WDR7: variants seen among roughly 807,000 people sequenced by gnomAD.
The protein encoded by WDR7 is WD repeat domain 7.
Under a neutral mutation model 169.4 loss-of-function variants are expected in WDR7, and 46 were observed. The ratio of observed to expected loss-of-function variants is 0.27; its 90% CI spans 0.21 to 0.35. The LOEUF (loss-of-function observed/expected upper bound fraction) is 0.35, where lower values mean the gene tolerates loss of function less well. WDR7 is among the 10% of genes least tolerant of loss of function. WDR7 has a pLI of 1.00. For missense variants in WDR7, 1,534 were observed against 1,859.3 expected (o/e 0.83, Z 3.22); for synonymous variants, 612 against 666.8 (o/e 0.92, Z 1.27).
At chr18:56,785,591 G>A (rs1207404273) in intron 19 of WDR7, among the ~76,000 whole-genome samples, 1 of 152,106 alleles carries the variant, frequency 6.6e-6, no homozygotes, top group Non-Finnish European at 1.5e-5. Context: ...TGGGCTGATG[G>A]ACTGTGATAG....
At chr18:56,995,110 G>T (rs1176519211) in intron 26 of WDR7, among the ~76,000 whole-genome samples, 1 of 152,112 alleles carries the variant, frequency 6.6e-6, no homozygotes, top group African/African-American at 2.4e-5. Context: ...TCTGAGTCTG[G>T]TATAAAGCTA....
intron 24 of WDR7, 62 bp downstream of exon 24, chr18:56,938,744 A>G: frequency 1.3e-6 from 2 of 1,579,820 alleles, no homozygotes; most frequent in Non-Finnish European, 8.6e-7. Flanking sequence ...TAATGAAGTA[A>G]TATAAATCAG....
chr18:56,981,442 C>G (rs894895433), intron 26 of WDR7, among the ~76,000 whole-genome samples: 1 of 152,026 alleles, frequency 6.6e-6, no homozygotes, highest in Non-Finnish European at 1.5e-5. Context: ...ATTTAGATAT[C>G]ATTGGCTTGT....
chr18:56,953,793 G>T (rs1007148829), intron 25 of WDR7, among the ~76,000 whole-genome samples: 5 of 152,330 alleles, frequency 3.3e-5, no homozygotes, highest in African/African-American at 1.2e-4. Context: ...GTAGATGTTT[G>T]TCAGGCAGAT....
chr18:56,786,581 T>C (rs2044404534), intron 19 of WDR7, among the ~76,000 whole-genome samples: 1 of 151,440 alleles, frequency 6.6e-6, no homozygotes, highest in Admixed American at 6.6e-5. Flanking sequence ...CCTAATTGAG[T>C]ACTGTGAGAA....
At chr18:56,729,695 A>G (rs1191375533) in intron 13 of WDR7, among the ~76,000 whole-genome samples, 3 of 152,282 alleles carry the variant, frequency 2.0e-5, no homozygotes, top group Admixed American at 2.0e-4. Flanking sequence ...AGACATTTAT[A>G]ACCCAACCAC....
intron 19 of WDR7, among the ~76,000 whole-genome samples, chr18:56,815,326 A>G (rs2044946629): frequency 6.6e-6 from 1 of 152,244 alleles, no homozygotes; most frequent in Non-Finnish European, 1.5e-5. Context: ...AAATTGAGAA[A>G]TAATGTGACA....
chr18:56,712,202 C>G (rs2026102414), intron 12 of WDR7, among the ~76,000 whole-genome samples: 1 of 152,196 alleles, frequency 6.6e-6, no homozygotes, highest in Admixed American at 6.5e-5. Flanking sequence ...ATGGGATAAA[C>G]TAGCTGTCTC....
chr18:56,689,434 T>G (rs1298203249), intron 7 of WDR7, among the ~76,000 whole-genome samples: 1 of 152,174 alleles, frequency 6.6e-6, no homozygotes, highest in Non-Finnish European at 1.5e-5. Context: ...CCAATTTTTG[T>G]ATTTTTAGTA....
At chr18:56,895,443 AG>A (rs2046319887) in intron 21 of WDR7, among the ~76,000 whole-genome samples, 1 of 151,068 alleles carries the variant, frequency 6.6e-6, no homozygotes, top group South Asian at 2.1e-4. Flanking sequence ...CAAAAGCATT[AG>A]GGGATAGGAA....
chr18:56,656,583 A>T (rs376954635), intron 1 of WDR7, among the ~76,000 whole-genome samples: 10 of 146,196 alleles, frequency 6.8e-5, no homozygotes, highest in Middle Eastern at 3.5e-3. Flanking sequence ...CCCGGCCACT[A>T]TTTTTTTTTT....
Position 56,756,987 on chromosome 18 carries a change from C to T in WDR7, c.2394C>T (p.Asp798=). The change falls in exon 15 of 28, where the codon GAC becomes GAT. Residue 798 remains aspartate, a synonymous_variant. Transcript: ENST00000254442. ...TATTAGAATATAATTTAACTATGGACACTGCAAAGCTGTTTATGTCCTGCC... is the reference window on the plus strand; with the variant it reads ...TATTAGAATATAATTTAACTATGGATACTGCAAAGCTGTTTATGTCCTGCC... ...LTLLEYNLTM[D]TAKLFMSCLH... 1 of 1,614,122 alleles carries T rather than the reference C, an allele frequency of 6.2e-7. No individual in the cohort carries two copies. Among genetic ancestry groups the T allele is most frequent in the South Asian group, 1.1e-5 (1 of 91,072 alleles).
chr18:56,933,734 A>C (rs562421196), intron 22 of WDR7, among the ~76,000 whole-genome samples: 1 of 152,226 alleles, frequency 6.6e-6, no homozygotes, highest in Non-Finnish European at 1.5e-5. Context: ...ACAACTACCC[A>C]GCCTGTCACT....
intron 20 of WDR7, among the ~76,000 whole-genome samples, chr18:56,861,492 T>G (rs1252485529): frequency 6.6e-6 from 1 of 152,198 alleles, no homozygotes; most frequent in Non-Finnish European, 1.5e-5. Flanking sequence ...CAGAATTGCT[T>G]TGTCAAGTCT....
intron 26 of WDR7, among the ~76,000 whole-genome samples, chr18:56,985,001 G>T (rs2047693934): frequency 6.6e-6 from 1 of 152,122 alleles, no homozygotes; most frequent in African/African-American, 2.4e-5. Flanking sequence ...CCGACTGCCT[G>T]TGGCTCTTGA....
chr18:56,879,883 A>G, intron 20 of WDR7, 61 bp from the exon 21 acceptor site: 1 of 1,376,440 alleles, frequency 7.3e-7, no homozygotes. Context: ...TGTTTTTCTA[A>G]TCATGTGTCT....
intron 12 of WDR7, among the ~76,000 whole-genome samples, chr18:56,710,293 G>A (rs1212104402): frequency 6.6e-6 from 1 of 152,136 alleles, no homozygotes; most frequent in Admixed American, 6.5e-5. Context: ...GTGAGCCACC[G>A]TGCCTGGCCA....
chr18:56,978,392 A>C (rs1452959452), intron 26 of WDR7, among the ~76,000 whole-genome samples: 2 of 151,284 alleles, frequency 1.3e-5, no homozygotes, highest in Non-Finnish European at 2.9e-5. Flanking sequence ...AGAAACATTT[A>C]TTGAGTGCTA....
intron 20 of WDR7, among the ~76,000 whole-genome samples, chr18:56,835,439 T>C (rs945171550): frequency 6.6e-6 from 1 of 152,208 alleles, no homozygotes; most frequent in Non-Finnish European, 1.5e-5. Flanking sequence ...TAAAACATTC[T>C]TGACATGCCT....
Sources: allele counts gnomAD v4.1 joint callset (sites outside exome capture counted in the v4.1 genomes callset), GRCh38; gene constraint gnomAD v4.1.1; transcripts MANE v1.5; gene names NCBI Gene and HGNC (gene_info 2026-07-23, HGNC 2026-07-21).